The following SDK1 variants were observed in gnomAD, a reference collection of about 807,000 sequenced individuals.
SDK1 encodes the protein protein sidekick-1.
A neutral mutation model predicts 245.5 loss-of-function variants in SDK1; 157 were observed. The ratio of observed to expected loss-of-function variants is 0.64; its 90% CI spans 0.56 to 0.73. The LOEUF is 0.73. SDK1 is among the 30% of genes least tolerant of loss of function. The pLI, the probability that SDK1 is intolerant of heterozygous loss-of-function variation, is 0.00. For synonymous variants in SDK1, 1,647 were observed against 1,278.5 expected (o/e 1.29, Z -6.15); for missense variants, 3,583 against 3,002.3 (o/e 1.19, Z -4.52).
chr7:3,935,129 A>G (rs1583585883), intron 5 of SDK1, among the ~76,000 whole-genome samples: 1 of 152,206 alleles, frequency 6.6e-6, no homozygotes, highest in East Asian at 1.9e-4. Context: ...GGTACTTGCA[A>G]AAAGCCCTGG....
intron 1 of SDK1, among the ~76,000 whole-genome samples, chr7:3,396,876 TTAAG>T (rs1168899979): frequency 1.3e-5 from 2 of 151,646 alleles, no homozygotes; most frequent in African/African-American, 4.8e-5. Context: ...TTATTAAGAT[TTAAG>T]TATACCTTTT....
intron 4 of SDK1, among the ~76,000 whole-genome samples, chr7:3,679,423 C>T (rs371524136): frequency 1.3e-5 from 2 of 152,076 alleles, no homozygotes; most frequent in Non-Finnish European, 2.9e-5. Context: ...AAAAATTAGC[C>T]GGGCGCGGTG....
intron 5 of SDK1, among the ~76,000 whole-genome samples, chr7:3,899,224 G>A (rs181648463): frequency 1.1e-3 from 167 of 152,252 alleles, no homozygotes; most frequent in Non-Finnish European, 2.1e-3. Context: ...TAATATATGA[G>A]TATGTATCAC....
intron 5 of SDK1, among the ~76,000 whole-genome samples, chr7:3,893,396 A>G (rs978044190): frequency 1.3e-5 from 2 of 152,040 alleles, no homozygotes; most frequent in Admixed American, 1.3e-4. Context: ...TAAATGAGCT[A>G]CTGATAATAT....
At chr7:3,583,163 G>C (rs1780568108) in intron 1 of SDK1, among the ~76,000 whole-genome samples, 1 of 152,212 alleles carries the variant, frequency 6.6e-6, no homozygotes, top group Non-Finnish European at 1.5e-5. Context: ...TGTAGGCCAT[G>C]CAGCAGCTCG....
rs1293829665 is a variant in SDK1, at chr7:4,267,055, C to A, written c.*1671C>A. The A allele has an allele frequency of 5.1e-6, 5 of 985,414 alleles. No individual in the cohort carries two copies. The highest frequency in any genetic ancestry group is 6.0e-6 in the Non-Finnish European group (5 of 829,988). The allele number at this position is 985,414 out of a possible 1,614,324, so 61.0% of individuals were successfully genotyped here. ...AGAGGGTGTGGATATTGCCTGGATTCTGTGCTGTCAGCGTTGCTGAGTATG... is the reference window on the plus strand; with the variant it reads ...AGAGGGTGTGGATATTGCCTGGATTATGTGCTGTCAGCGTTGCTGAGTATG... On this transcript the variant is annotated 3_prime_UTR_variant, in exon 45 of 45. Transcript: ENST00000404826.
At chr7:4,137,869 C>A (rs1779198058) in intron 28 of SDK1, among the ~76,000 whole-genome samples, 1 of 152,196 alleles carries the variant, frequency 6.6e-6, no homozygotes, top group African/African-American at 2.4e-5. Context: ...CACCATCTAT[C>A]ATTATTCTCT....
intron 1 of SDK1, among the ~76,000 whole-genome samples, chr7:3,377,395 C>G (rs926042505): frequency 6.6e-6 from 1 of 152,146 alleles, no homozygotes; most frequent in African/African-American, 2.4e-5. Context: ...GCCCCCTGCG[C>G]TAAATGGAGG....
intron 28 of SDK1, among the ~76,000 whole-genome samples, chr7:4,139,447 ATGTG>A (rs59597224): frequency 2.0e-5 from 2 of 102,192 alleles, no homozygotes; most frequent in African/African-American, 3.6e-5. Flanking sequence ...GTGTGTGTAT[ATGTG>A]TGTGTATATG....
Position 4,191,629 on chromosome 7 carries a change from T to C in SDK1, c.5098+13043T>C, listed in dbSNP as rs560940243. ...GCCCTTCAGCTGCTCCCCCGAAGCG[T>C]GAGCCAGCCCTTCAGCTGCTCCGCC... On this transcript the variant is annotated intron_variant, in intron 35 of 44. Coordinates refer to ENST00000404826, the MANE Select transcript of SDK1 (RefSeq NM_152744.4). 3.3e-5 allele frequency among the ~76,000 whole-genome samples: 5 copies of C among 152,348 alleles called. No individual in the cohort carries two copies. The East Asian group carries it at 9.7e-4, about 29-fold the overall frequency.
In SDK1 at chr7:3,706,190, A is replaced by G. The variant is rs145301894; in HGVS notation, c.713+64085A>G. On this transcript the variant is annotated intron_variant, in intron 4 of 44. Transcript: ENST00000404826. ...TTCATATTTTGTTGAGGATTTTTGC[A>G]TCTATATTCATCAAGGATATTGGTC... Among the ~76,000 whole-genome samples the G allele has an allele frequency of 3.9e-3, 599 of 152,244 alleles. 7 individuals carry two copies. Among genetic ancestry groups the G allele is most frequent in the African/African-American group, 0.014 (562 of 41,536 alleles).
intron 1 of SDK1, among the ~76,000 whole-genome samples, chr7:3,395,400 T>G (rs1222742671): frequency 1.3e-5 from 2 of 151,934 alleles, no homozygotes; most frequent in Admixed American, 6.6e-5. Context: ...GCATCTGTGT[T>G]TGTGAGAGAT....
At chr7:3,661,101 A>G (rs988919854) in intron 4 of SDK1, among the ~76,000 whole-genome samples, 3 of 152,132 alleles carry the variant, frequency 2.0e-5, no homozygotes, top group African/African-American at 7.2e-5. Context: ...GTTATTGCCT[A>G]CTCCAGTGAT....
intron 5 of SDK1, among the ~76,000 whole-genome samples, chr7:3,906,594 A>G (rs922931465): frequency 6.7e-6 from 1 of 148,852 alleles, no homozygotes; most frequent in Non-Finnish European, 1.5e-5. Context: ...GAGCCCTCCA[A>G]GACACAGGTA....
chr7:3,480,664 G>A (rs1292066844), intron 1 of SDK1, among the ~76,000 whole-genome samples: 1 of 152,160 alleles, frequency 6.6e-6, no homozygotes, highest in African/African-American at 2.4e-5. Context: ...ATACCTATGG[G>A]TCTGCCATAG....
intron 35 of SDK1, among the ~76,000 whole-genome samples, chr7:4,193,050 T>A (rs1244351133): frequency 4.3e-5 from 6 of 139,496 alleles, no homozygotes; most frequent in African/African-American, 1.3e-4. Flanking sequence ...GATACAAAAA[T>A]ATATAATATA....
intron 17 of SDK1, among the ~76,000 whole-genome samples, chr7:4,039,582 A>T (rs1005479861): frequency 2.0e-5 from 3 of 152,226 alleles, no homozygotes; most frequent in African/African-American, 7.2e-5. Flanking sequence ...TTTTTATTTG[A>T]TTGGACAATT....
At chr7:3,639,557 A>G (rs1323543808) in intron 3 of SDK1, among the ~76,000 whole-genome samples, 2 of 152,156 alleles carry the variant, frequency 1.3e-5, no homozygotes, top group African/African-American at 2.4e-5. Context: ...AGCGTCCCCG[A>G]TGGCATTCAT....
At chr7:3,533,330 A>G (rs768542614) in intron 1 of SDK1, among the ~76,000 whole-genome samples, 2 of 152,210 alleles carry the variant, frequency 1.3e-5, no homozygotes, top group African/African-American at 2.4e-5. Flanking sequence ...TTGGATAAAA[A>G]GACTCGCTGA....
Sources: gnomAD v4.1 joint callset for allele counts (sites outside exome capture counted in the v4.1 genomes callset) on GRCh38, gnomAD v4.1.1 for gene constraint, MANE v1.5 for transcripts, NCBI Gene and HGNC (gene_info 2026-07-23, HGNC 2026-07-21) for gene names.